The following JMJD1C variants were observed in gnomAD, a reference collection of about 807,000 sequenced individuals.
JMJD1C encodes the protein jumonji domain-containing protein 1C.
JMJD1C carries 31 observed loss-of-function variants against 245.3 expected under a neutral mutation model. The observed-to-expected ratio is 0.13, with a 90% confidence interval of 0.09 to 0.17. The LOEUF (loss-of-function observed/expected upper bound fraction) is 0.17, where lower values mean the gene tolerates loss of function less well. Among genes scored for constraint, JMJD1C ranks in the 10% least tolerant of loss-of-function variants. The pLI, the probability that JMJD1C is intolerant of heterozygous loss-of-function variation, is 1.00. For missense variants in JMJD1C, 2,691 were observed against 3,000.2 expected, an observed-to-expected ratio of 0.90 and a Z score of 2.41; for synonymous variants, 1,057 against 1,017.4, an observed-to-expected ratio of 1.04 and a Z score of -0.74.
intron 3 of JMJD1C, among the ~76,000 whole-genome samples, chr10:63,243,124 T>TATATATATATATATAA (rs1491362612): frequency 5.8e-5 from 5 of 85,794 alleles, no homozygotes; most frequent in East Asian, 7.6e-4. Flanking sequence ...TATATATATA[T>TATATATATATATATAA]AAATATATAT....
Position 63,465,829 on chromosome 10 carries a change from C to G in JMJD1C, c.-167G>C. The G allele has an allele frequency of 2.6e-6, 2 of 767,192 alleles. No homozygotes were observed. Among genetic ancestry groups the G allele is most frequent in the Non-Finnish European group, 4.5e-6 (2 of 444,978 alleles). 47.5% of individuals were successfully genotyped at this position (767,192 alleles called of 1,614,324 possible). ...GCCGCTCTGCCCCGGACACAGCGAC[C>G]TCGGGCCCTCCCCGCAAACACTCCT... is the stretch of plus-strand genomic sequence containing the variant. On this transcript the variant is annotated 5_prime_UTR_variant, in exon 1 of 26. Transcript: ENST00000399262.
In JMJD1C at chr10:63,338,640, A is replaced by ATTTTTTTTT. The variant is rs34238197; in HGVS notation, c.333+41669_333+41677dup. Among the ~76,000 whole-genome samples, 12 of 95,124 alleles carry ATTTTTTTTT rather than the reference A, an allele frequency of 1.3e-4. 1 individual carries two copies. The highest frequency in any genetic ancestry group is 3.8e-4 in the African/African-American group (9 of 23,756). 62.4% of individuals were successfully genotyped at this position (95,124 alleles called of 152,430 possible). A position where few individuals can be genotyped will look rare whatever the true frequency, so the allele number is the denominator to read the frequency against. On this transcript the variant is annotated intron_variant, in intron 2 of 25. Transcript: ENST00000399262. ...AATCAAATATCTTTCTGCTCCTTAGATTTTTTTTTTTTTTTTTTTTTTTTT... is the reference window on the plus strand; with the variant it reads ...AATCAAATATCTTTCTGCTCCTTAGATTTTTTTTTTTTTTTTTTTTTTTTTTTTTTTTTT...
intron 16 of JMJD1C, 32 bp from the exon 17 acceptor site, chr10:63,191,140 G>C (rs755135839): frequency 6.4e-7 from 1 of 1,572,782 alleles, no homozygotes; most frequent in South Asian, 1.1e-5. Context: ...ATTTTGTTTT[G>C]TTTTGTTTTG....
chr10:63,450,921 GAAAAAAAA>G (rs71025179), intron 1 of JMJD1C, among the ~76,000 whole-genome samples: 3 of 137,512 alleles, frequency 2.2e-5, no homozygotes, highest in Non-Finnish European at 4.7e-5. Flanking sequence ...CACACACACA[GAAAAAAAA>G]AAAAAAACTC....
At chr10:63,454,790 T>C (rs935927037) in intron 1 of JMJD1C, among the ~76,000 whole-genome samples, 11 of 152,192 alleles carry the variant, frequency 7.2e-5, no homozygotes, top group African/African-American at 2.7e-4. Flanking sequence ...AAAGCACAGC[T>C]CTGTAATTCC....
chr10:63,176,919 A>C (rs907), intron 23 of JMJD1C: 1 of 152,522 alleles, frequency 6.6e-6, no homozygotes, highest in Non-Finnish European at 1.5e-5. Context: ...ACCTTCTAAC[A>C]CTTGAAAAAT....
intron 1 of JMJD1C, among the ~76,000 whole-genome samples, chr10:63,481,088 TG>T (rs1275940848): frequency 3.9e-5 from 6 of 152,262 alleles, no homozygotes; most frequent in Admixed American, 1.3e-4. Context: ...AATCCTCAAA[TG>T]TTTTTACTAA....
intron 1 of JMJD1C, among the ~76,000 whole-genome samples, chr10:63,499,479 C>T (rs888150558): frequency 3.9e-5 from 6 of 152,138 alleles, no homozygotes; most frequent in African/African-American, 1.4e-4. Flanking sequence ...AACTTCTAAA[C>T]TTGTGTAAAA....
chr10:63,478,383 A>G (rs535008224), intron 1 of JMJD1C, among the ~76,000 whole-genome samples: 98 of 152,328 alleles, frequency 6.4e-4, no homozygotes, highest in African/African-American at 2.3e-3. Context: ...CAAACAACCA[A>G]AAATGTCCCT....
At chr10:63,305,512 CCTCT>C (rs71025151) in intron 2 of JMJD1C, among the ~76,000 whole-genome samples, 25,592 of 129,532 alleles carry the variant, frequency 0.2, 3,572 homozygotes, top group Non-Finnish European at 0.29. Flanking sequence ...AAGGTCTGAC[CCTCT>C]CTCTCTCTCT....
intron 10 of JMJD1C, 54 bp downstream of exon 10, chr10:63,206,541 T>C (rs1039248656): frequency 3.6e-6 from 5 of 1,373,548 alleles, no homozygotes; most frequent in African/African-American, 1.4e-5. Context: ...CACACTAGTA[T>C]AGCTAAAACA....
chr10:63,462,798 G>A lies in JMJD1C; in HGVS notation c.168+2697C>T, dbSNP rs190859602. Among the ~76,000 whole-genome samples the A allele has an allele frequency of 8.5e-5, 13 of 152,228 alleles. No individual in the cohort carries two copies. The East Asian group carries it at 2.5e-3, about 29-fold the overall frequency. On this transcript the variant is annotated intron_variant, in intron 1 of 25. Coordinates refer to ENST00000399262, the MANE Select transcript of JMJD1C (RefSeq NM_032776.3). ...CTTGCCACACTTTGATTTTAGCCCAGCAAGATCCAGGTCTTATTTGTGATC... is the reference window on the plus strand; with the variant it reads ...CTTGCCACACTTTGATTTTAGCCCAACAAGATCCAGGTCTTATTTGTGATC...
chr10:63,324,753 T>C (rs1428331067), intron 2 of JMJD1C, among the ~76,000 whole-genome samples: 1 of 152,108 alleles, frequency 6.6e-6, no homozygotes, highest in Admixed American at 6.5e-5. Flanking sequence ...TAGAGAAAAA[T>C]AAGCATTTTC....
chr10:63,391,698 T>C (rs1180587348), intron 1 of JMJD1C, among the ~76,000 whole-genome samples: 3 of 152,108 alleles, frequency 2.0e-5, no homozygotes, highest in Admixed American at 6.5e-5. Context: ...AGAATTAACA[T>C]CATTAAAATG....
chr10:63,416,565 A>G (rs2132704803), intron 1 of JMJD1C, among the ~76,000 whole-genome samples: 1 of 152,304 alleles, frequency 6.6e-6, no homozygotes, highest in South Asian at 2.1e-4. Context: ...TTGGCTGATC[A>G]TGCTGTGCTG....
At chr10:63,234,137 T>G (rs1850356218) in intron 3 of JMJD1C, among the ~76,000 whole-genome samples, 1 of 152,106 alleles carries the variant, frequency 6.6e-6, no homozygotes, top group Non-Finnish European at 1.5e-5. Context: ...AATACTCACA[T>G]TAAAAGGTGG....
At chr10:63,248,894 A>G (rs1327634037) in intron 3 of JMJD1C, among the ~76,000 whole-genome samples, 2 of 152,262 alleles carry the variant, frequency 1.3e-5, no homozygotes, top group Admixed American at 1.3e-4. Flanking sequence ...TGTCCTGGCC[A>G]TAAAAAGAAT....
chr10:63,459,503 A>G (rs779289744), intron 1 of JMJD1C, among the ~76,000 whole-genome samples: 1 of 152,210 alleles, frequency 6.6e-6, no homozygotes, highest in Non-Finnish European at 1.5e-5. Context: ...ACTCAATGCT[A>G]TTTCTTATTT....
At chr10:63,349,648 G>C (rs1027642960) in intron 2 of JMJD1C, among the ~76,000 whole-genome samples, 3 of 152,120 alleles carry the variant, frequency 2.0e-5, no homozygotes, top group African/African-American at 7.2e-5. Context: ...TTGAAATGCG[G>C]GAACTATATG....
Sources: gnomAD v4.1 joint callset for allele counts (sites outside exome capture counted in the v4.1 genomes callset) on GRCh38, gnomAD v4.1.1 for gene constraint, MANE v1.5 for transcripts, NCBI Gene and HGNC (gene_info 2026-07-23, HGNC 2026-07-21) for gene names.